POLN: variants seen among roughly 807,000 people sequenced by gnomAD.
The protein encoded by POLN is DNA polymerase N.
POLN carries 108 observed loss-of-function variants against 113.5 expected under a neutral mutation model. That is an observed-to-expected ratio of 0.95 (90% CI 0.81 to 1.12). The LOEUF (loss-of-function observed/expected upper bound fraction) is 1.12, where lower values mean the gene tolerates loss of function less well. POLN is among the 50% of genes most tolerant of loss of function. The pLI is 0.00. For synonymous variants in POLN, 386 were observed against 391.5 expected (o/e 0.99, Z 0.17); for missense variants, 1,097 against 1,077.1 (o/e 1.02, Z -0.26).
At chr4:2,216,407 G>A (rs1338520461) in intron 3 of POLN, among the ~76,000 whole-genome samples, 2 of 152,200 alleles carry the variant, frequency 1.3e-5, no homozygotes, top group East Asian at 1.9e-4. Context: ...ACTGCACCAC[G>A]TACTGGTTAG....
At chr4:2,193,054 C>T in intron 7 of POLN, 150 bp downstream of exon 7, 1 of 557,042 alleles carries the variant, frequency 1.8e-6, no homozygotes, top group Non-Finnish European at 3.2e-6. Flanking sequence ...ACTTCCTCCC[C>T]ATGCCTAGGG....
chr4:2,085,709 TAGGAAC>T lies in POLN; in HGVS notation c.2095_2100del (p.Val699_Pro700del). The T allele has an allele frequency of 6.2e-7, 1 of 1,614,038 alleles. No homozygotes were observed. The highest frequency in any genetic ancestry group is 2.2e-5 in the East Asian group (1 of 44,886). On this transcript the variant is annotated inframe_deletion, in exon 21 of 26. Transcript: ENST00000511885. ...TCCAAAAACTGGGCAGCTTCCTGAATAGGAACTCCAAGGCAAGCAGCCAGCCGCTCC... is the reference window on the plus strand; with the variant it reads ...TCCAAAAACTGGGCAGCTTCCTGAATTCCAAGGCAAGCAGCCAGCCGCTCC...
At chr4:2,147,918 C>T (rs1250982978) in intron 16 of POLN, among the ~76,000 whole-genome samples, 2 of 152,126 alleles carry the variant, frequency 1.3e-5, no homozygotes, top group Non-Finnish European at 2.9e-5. Flanking sequence ...GCTGGGATTA[C>T]AGGCATGAGC....
intron 7 of POLN, 103 bp downstream of exon 7, chr4:2,193,101 C>T (rs1481987877): frequency 4.7e-6 from 4 of 850,068 alleles, no homozygotes; most frequent in Non-Finnish European, 7.4e-6. Flanking sequence ...TGGCCAGGTC[C>T]TCCAGGAGTT....
rs146934153 is a variant in POLN at position 2,157,592 on chromosome 4, G to A, written c.1665+266C>T. 5.9e-3 allele frequency among the ~76,000 whole-genome samples: 894 copies of A among 151,734 alleles called. 7 individuals are homozygous for A. Among genetic ancestry groups the A allele is most frequent in the Non-Finnish European group, 7.6e-3 (519 of 67,890 alleles). Reference sequence around the variant, plus strand: ...GCAAAAATTAGCTGGGCGTGGTGGCGGACACCTGTAATCCCAGCTACTTGG... The same window carrying A: ...GCAAAAATTAGCTGGGCGTGGTGGCAGACACCTGTAATCCCAGCTACTTGG... On this transcript the variant is annotated intron_variant, in intron 15 of 25. Coordinates refer to ENST00000511885, the MANE Select transcript of POLN (RefSeq NM_181808.4).
intron 2 of POLN, chr4:2,238,872 C>G: frequency 6.2e-7 from 1 of 1,613,142 alleles, no homozygotes; most frequent in African/African-American, 1.3e-5. Flanking sequence ...TCTTGTTTAG[C>G]AATCTGCAGA....
chr4:2,183,688 G>A (rs900652662), intron 7 of POLN, among the ~76,000 whole-genome samples: 10 of 152,098 alleles, frequency 6.6e-5, no homozygotes, highest in Non-Finnish European at 1.3e-4. Context: ...TGGCTGCTAA[G>A]GAGTACAGGG....
At chr4:2,240,637 C>T in intron 2 of POLN, 1 of 1,613,694 alleles carries the variant, frequency 6.2e-7, no homozygotes, top group Non-Finnish European at 8.5e-7. Context: ...TGAACCTCAT[C>T]CTCTAATTTC....
At chr4:2,207,904 T>C in intron 5 of POLN, 83 bp downstream of exon 5, 1 of 1,456,716 alleles carries the variant, frequency 6.9e-7, no homozygotes, top group African/African-American at 1.4e-5. Context: ...TGTTTCTAGC[T>C]CTCCTATCAA....
chr4:2,202,690 C>T (rs1733746778), intron 5 of POLN, among the ~76,000 whole-genome samples: 1 of 139,052 alleles, frequency 7.2e-6, no homozygotes, highest in Non-Finnish European at 1.5e-5. Context: ...TAGCACTGCA[C>T]TCCAGCCTGG....
rs372049466 is a variant in POLN, at chr4:2,240,356, T to A, written c.-13+1164A>T. 5.0e-6 allele frequency: 8 copies of A among 1,601,982 alleles called. No homozygotes were observed. The highest frequency in any genetic ancestry group is 6.8e-6 in the Non-Finnish European group (8 of 1,172,690). The stretch of plus-strand genomic sequence containing the variant: ...GACTTAGGTATTTTTCCAAGGAAAA[T>A]TGCGATAAAAATACCAGTGGATTTG... On this transcript the variant is annotated intron_variant, in intron 2 of 25. Transcript: ENST00000511885.
intron 19 of POLN, among the ~76,000 whole-genome samples, chr4:2,116,846 A>G (rs146511303): frequency 1.7e-3 from 262 of 152,364 alleles, no homozygotes; most frequent in African/African-American, 6.0e-3. Flanking sequence ...GAGTACCTAG[A>G]GGGCACATAT....
chr4:2,078,548 C>T lies in POLN; in HGVS notation c.2387+2410G>A, dbSNP rs1218694808. ...TGAAGTGGTGCGATCTCAGCTCACT[C>T]TAGGGGCACCGTGTGCCTCCCAGTG... On this transcript the variant is annotated intron_variant, in intron 23 of 25. Transcript: ENST00000511885. The T allele has an allele frequency of 8.2e-6, 8 of 977,874 alleles. No individual in the cohort carries two copies. In the East Asian group the frequency reaches 8.1e-4, roughly 99 times the overall value. The allele number at this position is 977,874 out of a possible 1,614,324, so 60.6% of individuals were successfully genotyped here.
At chr4:2,231,062 G>C (rs1260834527) in intron 2 of POLN, 1 of 152,180 alleles carries the variant, frequency 6.6e-6, no homozygotes, top group African/African-American at 2.4e-5. Flanking sequence ...CTGTCTTGTA[G>C]AAACTTTTGA....
intron 6 of POLN, among the ~76,000 whole-genome samples, chr4:2,197,565 T>C (rs1404291975): frequency 1.3e-5 from 2 of 152,182 alleles, no homozygotes; most frequent in Non-Finnish European, 2.9e-5. Context: ...AAGTGGACAA[T>C]GTCAACTAAA....
intron 19 of POLN, among the ~76,000 whole-genome samples, chr4:2,099,196 G>T (rs1385569912): frequency 6.6e-6 from 1 of 152,170 alleles, no homozygotes; most frequent in Non-Finnish European, 1.5e-5. Context: ...GAAGACAAAG[G>T]GTAACCCCCA....
At chr4:2,090,545 A>G (rs1026911627) in intron 20 of POLN, 2 of 479,588 alleles carry the variant, frequency 4.2e-6, no homozygotes, top group Admixed American at 6.9e-5. Flanking sequence ...TCCTCTACAG[A>G]CTGGCCATGG....
chr4:2,225,075 T>C (rs1734349436), intron 3 of POLN, among the ~76,000 whole-genome samples: 1 of 152,170 alleles, frequency 6.6e-6, no homozygotes, highest in Non-Finnish European at 1.5e-5. Context: ...CGGTCTGTCG[T>C]TGACCAAAAC....
Position 2,184,827 on chromosome 4 carries a change from T to C in POLN, c.1022-5362A>G, listed in dbSNP as rs765849254. ...GGCTCACCTAACTCATCAAAGATCA[T>C]GTGCAATGTGTCAAAACATATCAAA... On this transcript the variant is annotated intron_variant, in intron 7 of 25. Transcript: ENST00000511885. Among the ~76,000 whole-genome samples the C allele has an allele frequency of 5.3e-5, 8 of 152,328 alleles. No individual in the cohort carries two copies. In the Middle Eastern group the frequency reaches 0.014, roughly 259 times the overall value.
Sources: allele counts gnomAD v4.1 joint callset (sites outside exome capture counted in the v4.1 genomes callset), GRCh38; gene constraint gnomAD v4.1.1; transcripts MANE v1.5; gene names NCBI Gene and HGNC (gene_info 2026-07-23, HGNC 2026-07-21).